Variants in DCBLD2 observed in about 807,000 individuals in gnomAD.
DCBLD2 encodes discoidin, CUB and LCCL domain-containing protein 2.
DCBLD2 carries 54 observed loss-of-function variants against 86.8 expected under a neutral mutation model. That is an observed-to-expected ratio of 0.62 (90% CI 0.50 to 0.78). DCBLD2 has a LOEUF of 0.78. DCBLD2 is among the 30% of genes least tolerant of loss of function. The pLI is 0.00. For missense variants in DCBLD2, 908 were observed against 954.2 expected (o/e 0.95, Z 0.64); for synonymous variants, 354 against 341.3 (o/e 1.04, Z -0.41).
At chr3:98,862,612 C>T (rs974821967) in intron 2 of DCBLD2, among the ~76,000 whole-genome samples, 1 of 152,116 alleles carries the variant, frequency 6.6e-6, no homozygotes, top group African/African-American at 2.4e-5. Context: ...GAACCACATA[C>T]AAAAACCACA....
chr3:98,869,580 T>C (rs1028284724), intron 2 of DCBLD2, among the ~76,000 whole-genome samples: 1 of 152,256 alleles, frequency 6.6e-6, no homozygotes. Flanking sequence ...ATTTGACCCT[T>C]TTCCTGTTTT....
At chr3:98,888,004 C>G (rs1943591732) in intron 1 of DCBLD2, among the ~76,000 whole-genome samples, 1 of 151,976 alleles carries the variant, frequency 6.6e-6, no homozygotes, top group Non-Finnish European at 1.5e-5. Context: ...CCCCCAAAAC[C>G]CTGGTAACCA....
At chr3:98,896,364 T>C (rs1224213065) in intron 1 of DCBLD2, among the ~76,000 whole-genome samples, 1 of 152,228 alleles carries the variant, frequency 6.6e-6, no homozygotes, top group Admixed American at 6.5e-5. Flanking sequence ...TTCTCAAAGA[T>C]TTTTCTCCAG....
Position 98,812,592 on chromosome 3 carries a change from G to T in DCBLD2, c.1213-110C>A. On this transcript the variant is annotated intron_variant, in intron 9 of 15. Coordinates refer to ENST00000326840, the MANE Select transcript of DCBLD2 (RefSeq NM_080927.4). ...TGCTCTAGGCCTTAAATTACATCTG[G>T]AAAGTATGATAATAAGGATCAATTT... The T allele has an allele frequency of 7.9e-6, 7 of 884,344 alleles. No homozygotes were observed. In the South Asian group the frequency reaches 1.5e-4, roughly 19 times the overall value. The allele number at this position is 884,344 out of a possible 1,614,324, so 54.8% of individuals were successfully genotyped here.
rs1941721545 is a variant in DCBLD2 at position 98,801,659 on chromosome 3, T to C, written c.1671-10A>G. The C allele has an allele frequency of 1.2e-6, 2 of 1,601,344 alleles. No individual in the cohort carries two copies. The highest frequency in any genetic ancestry group is 1.7e-6 in the Non-Finnish European group (2 of 1,173,180). On this transcript the variant is annotated splice_polypyrimidine_tract_variant and intron_variant, in intron 13 of 15. Coordinates refer to ENST00000326840, the MANE Select transcript of DCBLD2 (RefSeq NM_080927.4). Reference sequence around the variant, plus strand: ...TTCAGTTTTTTTCTTTCTGGAAAAATACAGAAGAGAAGTTAGCAAACAGAG... The same window carrying C: ...TTCAGTTTTTTTCTTTCTGGAAAAACACAGAAGAGAAGTTAGCAAACAGAG...
intron 2 of DCBLD2, among the ~76,000 whole-genome samples, chr3:98,875,166 C>T (rs1943347607): frequency 6.6e-6 from 1 of 152,044 alleles, no homozygotes; most frequent in Admixed American, 6.6e-5. Context: ...CTGAAAATCC[C>T]TAGAAAGTGA....
chr3:98,870,757 GAAAGAAAGAA>G (rs1442573136), intron 2 of DCBLD2, among the ~76,000 whole-genome samples: 5 of 111,438 alleles, frequency 4.5e-5, no homozygotes, highest in Non-Finnish European at 7.7e-5. Context: ...AAGAAAGAAA[GAAAGAAAGAA>G]AGAAAGAAAG....
At chr3:98,889,540 A>C (rs1943622570) in intron 1 of DCBLD2, among the ~76,000 whole-genome samples, 2 of 152,066 alleles carry the variant, frequency 1.3e-5, no homozygotes, top group Non-Finnish European at 2.9e-5. Flanking sequence ...ATGCTGATTA[A>C]AGGTTGCAGT....
At chr3:98,848,599 G>T (rs1576179810) in intron 3 of DCBLD2, among the ~76,000 whole-genome samples, 1 of 152,256 alleles carries the variant, frequency 6.6e-6, no homozygotes, top group Admixed American at 6.5e-5. Flanking sequence ...AGTGTATACG[G>T]TTTCTTTTTC....
intron 6 of DCBLD2, among the ~76,000 whole-genome samples, chr3:98,821,796 C>G (rs1942122357): frequency 6.6e-6 from 1 of 152,038 alleles, no homozygotes; most frequent in Non-Finnish European, 1.5e-5. Context: ...GCCTGTAATC[C>G]CAGCACTTTC....
intron 3 of DCBLD2, among the ~76,000 whole-genome samples, chr3:98,835,947 T>C (rs1218912608): frequency 1.3e-5 from 2 of 149,754 alleles, no homozygotes; most frequent in African/African-American, 4.9e-5. Flanking sequence ...TCTTTTTTTT[T>C]TTTTTTAAGA....
At chr3:98,883,939 G>A (rs2107524702) in intron 1 of DCBLD2, among the ~76,000 whole-genome samples, 1 of 152,198 alleles carries the variant, frequency 6.6e-6, no homozygotes, top group East Asian at 1.9e-4. Context: ...AGAATTTCAT[G>A]TAGTTTTTAG....
At chr3:98,878,023 A>G (rs571488381) in intron 2 of DCBLD2, among the ~76,000 whole-genome samples, 79 of 152,316 alleles carry the variant, frequency 5.2e-4, no homozygotes, top group African/African-American at 1.3e-3. Context: ...TTAGTATGAA[A>G]AAAAAACCTA....
chr3:98,852,011 C>T (rs983760700), intron 2 of DCBLD2, among the ~76,000 whole-genome samples: 8 of 152,178 alleles, frequency 5.3e-5, no homozygotes, highest in African/African-American at 1.9e-4. Flanking sequence ...CCATTCAGGA[C>T]ATAGGCATGG....
chr3:98,825,774 A>G (rs191372575), intron 3 of DCBLD2, among the ~76,000 whole-genome samples: 1 of 151,308 alleles, frequency 6.6e-6, no homozygotes, highest in South Asian at 2.1e-4. Context: ...TGGTTATTAT[A>G]TAACTAAAAA....
At chr3:98,861,543 A>C (rs1943044774) in intron 2 of DCBLD2, among the ~76,000 whole-genome samples, 1 of 152,250 alleles carries the variant, frequency 6.6e-6, no homozygotes, top group Admixed American at 6.5e-5. Context: ...ACCACAGTGC[A>C]ATCAAACTAG....
intron 2 of DCBLD2, among the ~76,000 whole-genome samples, chr3:98,876,412 T>TAAAAAAAAAAAAAAA (rs60681986): frequency 8.0e-4 from 38 of 47,530 alleles, no homozygotes; most frequent in South Asian, 1.2e-3. Flanking sequence ...AGATAAAAAG[T>TAAAAAAAAAAAAAAA]AAAAAAAAAA....
At chr3:98,859,963 C>CT (rs889776635) in intron 2 of DCBLD2, among the ~76,000 whole-genome samples, 2 of 152,260 alleles carry the variant, frequency 1.3e-5, no homozygotes, top group Admixed American at 6.5e-5. Flanking sequence ...CACAAAGAAG[C>CT]TAAAAACCTT....
chr3:98,829,005 G>A (rs1942274709), intron 3 of DCBLD2, among the ~76,000 whole-genome samples: 3 of 152,132 alleles, frequency 2.0e-5, no homozygotes, highest in African/African-American at 4.8e-5. Context: ...AGGATTGTAG[G>A]GGGTTAAGAG....
Sources: allele counts gnomAD v4.1 joint callset (sites outside exome capture counted in the v4.1 genomes callset), GRCh38; gene constraint gnomAD v4.1.1; transcripts MANE v1.5; gene names NCBI Gene and HGNC (gene_info 2026-07-23, HGNC 2026-07-21).